ATRNL1: variants seen among roughly 807,000 people sequenced by gnomAD.
ATRNL1 encodes the protein attractin like 1.
ATRNL1 carries 95 observed loss-of-function variants against 182.7 expected under a neutral mutation model. The ratio of observed to expected loss-of-function variants is 0.52; its 90% CI spans 0.44 to 0.62. The LOEUF is 0.62. ATRNL1 is among the 20% of genes least tolerant of loss of function. The pLI is 0.00. For synonymous variants in ATRNL1, 576 were observed against 568.3 expected, an observed-to-expected ratio of 1.01 and a Z score of -0.19; for missense variants, 1,471 against 1,679.5, an observed-to-expected ratio of 0.88 and a Z score of 2.17.
At chr10:115,844,313 C>T (rs1357793727) in intron 27 of ATRNL1, among the ~76,000 whole-genome samples, 2 of 152,044 alleles carry the variant, frequency 1.3e-5, no homozygotes, top group African/African-American at 2.4e-5. Flanking sequence ...ATCCCTCACT[C>T]GCCATTGGAG....
Position 115,165,621 on chromosome 10 carries a change from T to A in ATRNL1, c.1068T>A (p.Tyr356Ter). 1 of 1,538,802 alleles carries A rather than the reference T, an allele frequency of 6.5e-7. No homozygotes were observed. The highest frequency in any genetic ancestry group is 8.8e-7 in the Non-Finnish European group (1 of 1,132,760). ...CATCAAGGGGACCTCTCCAGAGATA[T>A]GGACACTCTCTTGCTTTATATCAGG... ...GTPSRGPLQR[Y>*]GHSLALYQEN... Residue 356 changes from tyrosine to a stop codon, truncating the protein, a stop_gained, in exon 7 of 29, where the codon TAT becomes TAA. Transcript: ENST00000355044. LOFTEE classifies it high-confidence loss of function.
At chr10:115,146,989 C>T (rs1417524017) in intron 5 of ATRNL1, among the ~76,000 whole-genome samples, 1 of 151,984 alleles carries the variant, frequency 6.6e-6, no homozygotes, top group Non-Finnish European at 1.5e-5. Flanking sequence ...GATAAATACC[C>T]AGTAGTGGGA....
rs1370049509 is a variant in ATRNL1, at chr10:115,601,755, TA to T, written c.3795+52223del. On this transcript the variant is annotated intron_variant, in intron 26 of 28. Coordinates refer to ENST00000355044, the MANE Select transcript of ATRNL1 (RefSeq NM_207303.4). ...TTCTAACTTGTCTGCTTATTTAATT[TA>T]AAAGTAGTTTCTTATAGACAGCATA... is the stretch of plus-strand genomic sequence containing the variant. Among the ~76,000 whole-genome samples the T allele has an allele frequency of 5.9e-5, 9 of 152,276 alleles. No individual in the cohort carries two copies. The East Asian group carries it at 1.7e-3, about 29-fold the overall frequency.
intron 19 of ATRNL1, among the ~76,000 whole-genome samples, chr10:115,352,846 G>A (rs1486545887): frequency 1.3e-5 from 2 of 152,154 alleles, no homozygotes; most frequent in Admixed American, 1.3e-4. Flanking sequence ...GTTGTGGTGA[G>A]CCGAGATTGT....
chr10:115,554,139 A>G (rs1361942607), intron 26 of ATRNL1, among the ~76,000 whole-genome samples: 2 of 151,604 alleles, frequency 1.3e-5, no homozygotes, highest in Non-Finnish European at 3.0e-5. Context: ...TTTCCATTAA[A>G]CACATGCTTT....
intron 14 of ATRNL1, among the ~76,000 whole-genome samples, chr10:115,285,510 A>G (rs1315718000): frequency 6.6e-6 from 1 of 152,120 alleles, no homozygotes; most frequent in Non-Finnish European, 1.5e-5. Context: ...AGTGCACACT[A>G]AAGTTTAGCC....
At chr10:115,738,947 A>C (rs1324254123) in intron 27 of ATRNL1, among the ~76,000 whole-genome samples, 1 of 152,104 alleles carries the variant, frequency 6.6e-6, no homozygotes, top group Non-Finnish European at 1.5e-5. Context: ...TCACTGAGTC[A>C]AAAGCTAAAT....
intron 21 of ATRNL1, among the ~76,000 whole-genome samples, chr10:115,436,590 A>T (rs1200030067): frequency 6.6e-6 from 1 of 152,136 alleles, no homozygotes; most frequent in African/African-American, 2.4e-5. Flanking sequence ...TTCAGCATGG[A>T]TAGTACAGTT....
chr10:115,800,845 T>C (rs2134234638), intron 27 of ATRNL1, among the ~76,000 whole-genome samples: 1 of 152,128 alleles, frequency 6.6e-6, no homozygotes. Flanking sequence ...GGTTCCCTGA[T>C]CTAGGACTTC....
chr10:115,445,799 T>C (rs1846954742), intron 21 of ATRNL1, among the ~76,000 whole-genome samples: 1 of 152,370 alleles, frequency 6.6e-6, no homozygotes, highest in South Asian at 2.1e-4. Flanking sequence ...GTGGCTACCA[T>C]TTATCTTCTT....
intron 28 of ATRNL1, among the ~76,000 whole-genome samples, chr10:115,919,521 T>C (rs1952980631): frequency 1.3e-5 from 2 of 152,158 alleles, no homozygotes; most frequent in South Asian, 4.1e-4. Flanking sequence ...AAAATCACAG[T>C]GAATGTTGAC....
intron 8 of ATRNL1, among the ~76,000 whole-genome samples, chr10:115,198,152 C>T (rs1554891499): frequency 6.6e-6 from 1 of 152,138 alleles, no homozygotes; most frequent in East Asian, 1.9e-4. Context: ...ATTCCCTTTT[C>T]TCCACATTCT....
At chr10:115,830,740 G>A (rs1434907070) in intron 27 of ATRNL1, among the ~76,000 whole-genome samples, 1 of 152,094 alleles carries the variant, frequency 6.6e-6, no homozygotes, top group South Asian at 2.1e-4. Context: ...TGTCACAATC[G>A]AGCTTTTCCT....
At position 115,559,134 on chromosome 10, in the gene ATRNL1, C is replaced by G. The variant is rs77716564; in HGVS notation, c.3795+9598C>G. Among the ~76,000 whole-genome samples, 248 of 152,328 alleles carry G rather than the reference C, an allele frequency of 1.6e-3. 2 individuals carry two copies. The highest frequency in any genetic ancestry group is 5.7e-3 in the African/African-American group (236 of 41,578). ...AAAAGTAACACCTCTGCTCAACACC[C>G]TGCTCATGAAGCAGGAACATTATTT... On this transcript the variant is annotated intron_variant, in intron 26 of 28. Coordinates refer to ENST00000355044, the MANE Select transcript of ATRNL1 (RefSeq NM_207303.4).
intron 10 of ATRNL1, among the ~76,000 whole-genome samples, chr10:115,250,892 A>G (rs1454387381): frequency 6.6e-6 from 1 of 152,196 alleles, no homozygotes; most frequent in African/African-American, 2.4e-5. Flanking sequence ...ATGTTCTGCA[A>G]GATGTCCAAC....
At chr10:115,127,489 A>G in intron 3 of ATRNL1, 104 bp from the exon 4 acceptor site, 1 of 913,322 alleles carries the variant, frequency 1.1e-6, no homozygotes, top group Non-Finnish European at 1.6e-6. Context: ...ATTCTGACGT[A>G]CAAGCATTAC....
chr10:115,589,825 T>G (rs1319012966), intron 26 of ATRNL1, among the ~76,000 whole-genome samples: 1 of 152,232 alleles, frequency 6.6e-6, no homozygotes, highest in African/African-American at 2.4e-5. Context: ...GATTACTCTG[T>G]TAGTCTTCCA....
intron 26 of ATRNL1, among the ~76,000 whole-genome samples, chr10:115,704,530 G>A (rs960732463): frequency 4.6e-5 from 7 of 151,658 alleles, no homozygotes; most frequent in African/African-American, 7.3e-5. Flanking sequence ...GTATATATGA[G>A]TTATATGTAC....
intron 3 of ATRNL1, among the ~76,000 whole-genome samples, chr10:115,123,314 A>C (rs1034787628): frequency 1.3e-5 from 2 of 152,192 alleles, no homozygotes; most frequent in Non-Finnish European, 2.9e-5. Context: ...ACTAAGTACT[A>C]TTATCCCCAT....
Sources: gnomAD v4.1 joint callset for allele counts (sites outside exome capture counted in the v4.1 genomes callset) on GRCh38, gnomAD v4.1.1 for gene constraint, MANE v1.5 for transcripts, NCBI Gene and HGNC (gene_info 2026-07-23, HGNC 2026-07-21) for gene names.